SULF1: variants seen among roughly 807,000 people sequenced by gnomAD.
The protein encoded by SULF1 is sulfatase 1, also known as extracellular sulfatase Sulf-1.
A neutral mutation model predicts 110.5 loss-of-function variants in SULF1; 46 were observed. The observed-to-expected ratio is 0.42, with a 90% CI of 0.33 to 0.53. The LOEUF (loss-of-function observed/expected upper bound fraction) is 0.53, where lower values mean the gene tolerates loss of function less well. SULF1 is among the 20% of genes least tolerant of loss of function. SULF1 has a pLI of 0.12. For synonymous variants in SULF1, 371 were observed against 387.1 expected (o/e 0.96, Z 0.49); for missense variants, 941 against 1,094.2 (o/e 0.86, Z 1.98).
At chr8:69,657,639 A>T (rs1812826399) in intron 22 of SULF1, among the ~76,000 whole-genome samples, 1 of 152,120 alleles carries the variant, frequency 6.6e-6, no homozygotes, top group South Asian at 2.1e-4. Flanking sequence ...TGATCTGAAG[A>T]TTGTAGGATT....
intron 9 of SULF1, among the ~76,000 whole-genome samples, chr8:69,601,406 A>C (rs979010967): frequency 6.6e-6 from 1 of 152,184 alleles, no homozygotes; most frequent in Non-Finnish European, 1.5e-5. Flanking sequence ...TTTTTGTTCT[A>C]CCAAACAAGC....
chr8:69,572,163 T>A (rs1258129925), intron 5 of SULF1, among the ~76,000 whole-genome samples: 2 of 152,266 alleles, frequency 1.3e-5, no homozygotes, highest in East Asian at 3.9e-4. Context: ...GAGAGACCTA[T>A]CGCGACTGCA....
At chr8:69,600,518 T>C in intron 8 of SULF1, 85 bp from the exon 9 acceptor site, 1 of 1,325,956 alleles carries the variant, frequency 7.5e-7, no homozygotes, top group East Asian at 2.3e-5. Context: ...TATCTCTCCT[T>C]AATGATTATT....
chr8:69,621,244 G>A lies in SULF1; in HGVS notation c.1587G>A (p.Gly529=). ...KSQRQFLRNQ[G]TPKYKPRFVH... ...AACGGCAATTCTTGAGAAACCAGGG[G>A]ACTCCAAGTAAGCCACGCTTTTGTG... The change falls in exon 14 of 23, where the codon GGG becomes GGA. Residue 529 remains glycine, a synonymous_variant. Coordinates refer to ENST00000402687, the MANE Select transcript of SULF1 (RefSeq NM_001128205.2). The A allele has an allele frequency of 6.2e-7, 1 of 1,612,054 alleles. No individual in the cohort carries two copies. The highest frequency in any genetic ancestry group is 1.3e-5 in the African/African-American group (1 of 74,982).
At chr8:69,499,236 G>A (rs1397385325) in intron 2 of SULF1, among the ~76,000 whole-genome samples, 1 of 152,214 alleles carries the variant, frequency 6.6e-6, no homozygotes, top group South Asian at 2.1e-4. Flanking sequence ...TTTTATGTTT[G>A]TATAGCTATA....
In SULF1 at chr8:69,564,704, C is replaced by T. The variant is rs112324491; in HGVS notation, c.172+557C>T. On this transcript the variant is annotated intron_variant, in intron 5 of 22. Transcript: ENST00000402687. ...TTTTATTTAGCTTGCCTAGGCTAAG[C>T]GTAGAGCACCCAGAAAGCCTGCCAA... Among the ~76,000 whole-genome samples the T allele has an allele frequency of 4.6e-5, 7 of 152,308 alleles. No homozygotes were observed. The Middle Eastern group carries it at 0.014, about 296-fold the overall frequency.
At chr8:69,496,847 T>G (rs1810396532) in intron 2 of SULF1, among the ~76,000 whole-genome samples, 1 of 152,208 alleles carries the variant, frequency 6.6e-6, no homozygotes, top group African/African-American at 2.4e-5. Flanking sequence ...GCTGTGAAGT[T>G]CCCCAGACAC....
intron 1 of SULF1, among the ~76,000 whole-genome samples, chr8:69,480,288 A>G (rs1190937366): frequency 1.3e-5 from 2 of 152,218 alleles, no homozygotes; most frequent in Non-Finnish European, 2.9e-5. Context: ...ACACCAGAAA[A>G]CTGAAGCTGA....
At chr8:69,504,926 T>A (rs1811075378) in intron 3 of SULF1, among the ~76,000 whole-genome samples, 1 of 152,226 alleles carries the variant, frequency 6.6e-6, no homozygotes, top group African/African-American at 2.4e-5. Flanking sequence ...TTACTGGACC[T>A]TAGAGTTTCA....
intron 1 of SULF1, among the ~76,000 whole-genome samples, chr8:69,477,450 C>T (rs990306441): frequency 1.3e-5 from 2 of 152,170 alleles, no homozygotes; most frequent in African/African-American, 2.4e-5. Context: ...CCTTTGGAAG[C>T]TTAGAATACT....
chr8:69,550,179 G>A (rs7835958), intron 3 of SULF1, among the ~76,000 whole-genome samples: 29,562 of 151,332 alleles, frequency 0.2, 2,969 homozygotes, highest in Middle Eastern at 0.24. Context: ...GAACACTTAT[G>A]AAGGAAGACT....
intron 18 of SULF1, among the ~76,000 whole-genome samples, chr8:69,628,667 A>G (rs1164488267): frequency 6.6e-6 from 1 of 152,224 alleles, no homozygotes; most frequent in Non-Finnish European, 1.5e-5. Flanking sequence ...TTGCATGTGA[A>G]GGAGATTTAG....
chr8:69,558,670 C>A (rs544090652), intron 3 of SULF1, among the ~76,000 whole-genome samples: 1 of 152,250 alleles, frequency 6.6e-6, no homozygotes, highest in South Asian at 2.1e-4. Context: ...TGACTAGGGC[C>A]AGACCTACAG....
intron 3 of SULF1, among the ~76,000 whole-genome samples, chr8:69,551,779 A>G (rs1287617640): frequency 6.6e-6 from 1 of 152,086 alleles, no homozygotes; most frequent in Non-Finnish European, 1.5e-5. Flanking sequence ...CATCAGCATC[A>G]CCTGGGAACT....
chr8:69,468,082 C>T (rs1808932214), intron 1 of SULF1, among the ~76,000 whole-genome samples: 1 of 152,128 alleles, frequency 6.6e-6, no homozygotes, highest in African/African-American at 2.4e-5. Context: ...ATAGGTGAGC[C>T]AATGAGACTT....
chr8:69,598,123 A>AG (rs56398935), intron 8 of SULF1, among the ~76,000 whole-genome samples: 139 of 150,360 alleles, frequency 9.2e-4, no homozygotes, highest in African/African-American at 2.2e-3. Context: ...AAAAAAAAAA[A>AG]GGGGGGGACC....
chr8:69,522,906 A>G (rs1363050763), intron 3 of SULF1, among the ~76,000 whole-genome samples: 1 of 152,196 alleles, frequency 6.6e-6, no homozygotes, highest in Non-Finnish European at 1.5e-5. Flanking sequence ...GCAAAGATAA[A>G]ATGGAAGAAG....
intron 13 of SULF1, among the ~76,000 whole-genome samples, chr8:69,620,541 C>T (rs1412618097): frequency 1.3e-5 from 2 of 152,188 alleles, no homozygotes; most frequent in Non-Finnish European, 2.9e-5. Flanking sequence ...AGAGTTGGCT[C>T]GCCCCATGAT....
At chr8:69,546,919 C>T (rs1259781038) in intron 3 of SULF1, among the ~76,000 whole-genome samples, 9 of 152,124 alleles carry the variant, frequency 5.9e-5, no homozygotes, top group Admixed American at 3.3e-4. Context: ...AACCAATATT[C>T]TAGTTGTGTG....
Sources: allele counts gnomAD v4.1 joint callset (sites outside exome capture counted in the v4.1 genomes callset), GRCh38; gene constraint gnomAD v4.1.1; transcripts MANE v1.5; gene names NCBI Gene and HGNC (gene_info 2026-07-23, HGNC 2026-07-21).